The following GLYATL1 variants were observed in gnomAD, a reference collection of about 807,000 sequenced individuals.
GLYATL1 encodes the protein glycine N-acyltransferase-like protein 1.
Under a neutral mutation model 20.0 loss-of-function variants are expected in GLYATL1, and 15 were observed. The ratio of observed to expected loss-of-function variants is 0.75; its 90% CI spans 0.50 to 1.15. The LOEUF (loss-of-function observed/expected upper bound fraction) is 1.15. GLYATL1 is among the 50% of genes most tolerant of loss of function. The pLI is 0.00. For synonymous variants in GLYATL1, 151 were observed against 131.5 expected, an observed-to-expected ratio of 1.15 and a Z score of -1.01; for missense variants, 380 against 368.5, an observed-to-expected ratio of 1.03 and a Z score of -0.26.
rs1386182653 is a variant in GLYATL1, at chr11:58,907,141, T to C, written n.239-100T>C. The C allele has an allele frequency of 1.1e-5, 4 of 369,846 alleles. No homozygotes were observed. In the Admixed American group the frequency reaches 1.3e-4, roughly 12 times the overall value. The allele number at this position is 369,846 out of a possible 1,614,324, so 22.9% of individuals were successfully genotyped here. On this transcript the variant is annotated intron_variant and non_coding_transcript_variant, in intron 1 of 1. Transcript: ENST00000524629. Reference sequence around the variant, plus strand: ...GTGGTTCTTTCCTGGCCTTGGAAAGTTTTCTCAGCCGGGGCTCTGATCAGT... The same window carrying C: ...GTGGTTCTTTCCTGGCCTTGGAAAGCTTTCTCAGCCGGGGCTCTGATCAGT...
At chr11:58,933,196 G>A (rs1288208034) in intron 1 of GLYATL1, among the ~76,000 whole-genome samples, 2 of 152,192 alleles carry the variant, frequency 1.3e-5, no homozygotes, top group Admixed American at 1.3e-4. Context: ...ATATCCAAGA[G>A]TAGATGTCAA....
rs764585487 is a variant in GLYATL1, at chr11:58,947,176, A to G, written c.78+11A>G. ...CCTGAGTCCCTGAAGGTCAGGGAAC[A>G]GTGGGAGGTCAGGGTATGGGAGTAG... On this transcript the variant is annotated intron_variant, in intron 3 of 6. Transcript: ENST00000532726. 1.9e-6 allele frequency: 3 copies of G among 1,613,482 alleles called. No homozygotes were observed. The South Asian group carries it at 3.3e-5, about 18-fold the overall frequency.
At position 58,954,803 on chromosome 11, in the gene GLYATL1, G is replaced by A. The variant is rs753670771; in HGVS notation, c.220G>A (p.Val74Ile). 49 of 1,610,666 alleles carry A rather than the reference G, an allele frequency of 3.0e-5. No individual in the cohort carries two copies. Among genetic ancestry groups the A allele is most frequent in the South Asian group, 2.1e-4 (19 of 90,320 alleles). ...TGATGACATGGATTCATACACAAAC[G>A]TATATCGTATGTTCTCCAAAGAGCC... ...MTDDMDSYTNVYRMFSKEPQK... is the reference protein window; with the variant it reads ...MTDDMDSYTNIYRMFSKEPQK... Residue 74 changes from valine to isoleucine, a missense_variant, in exon 5 of 7, where the codon GTA (valine) becomes ATA (isoleucine). Transcript: ENST00000532726.
intron 1 of GLYATL1, chr11:58,927,890 G>A (rs1471936379): frequency 6.6e-6 from 1 of 152,236 alleles, no homozygotes; most frequent in Non-Finnish European, 1.5e-5. Flanking sequence ...GGGAAGACGA[G>A]GTGATAAGGC....
upstream of GLYATL1, among the ~76,000 whole-genome samples, chr11:58,923,481 G>T (rs941182734): frequency 6.6e-6 from 1 of 152,208 alleles, no homozygotes; most frequent in Non-Finnish European, 1.5e-5. Flanking sequence ...CCAAACAGAG[G>T]TACTTTCCCT....
chr11:58,941,773 G>A (rs1180636459), intron 1 of GLYATL1, among the ~76,000 whole-genome samples: 3 of 152,174 alleles, frequency 2.0e-5, no homozygotes, highest in Admixed American at 6.5e-5. Flanking sequence ...CAGATGTCAG[G>A]GAGGTGACTG....
intron 2 of GLYATL1, among the ~76,000 whole-genome samples, chr11:58,946,363 A>G (rs1015457917): frequency 6.6e-6 from 1 of 152,244 alleles, no homozygotes; most frequent in Non-Finnish European, 1.5e-5. Flanking sequence ...ACAAAGAAGT[A>G]TGAGATGGAA....
At chr11:58,918,033 A>C (rs1394598427) in intron 1 of GLYATL1, among the ~76,000 whole-genome samples, 1 of 152,216 alleles carries the variant, frequency 6.6e-6, no homozygotes, top group Non-Finnish European at 1.5e-5. Context: ...ATTTAATAGA[A>C]AGCTTCACTA....
At chr11:58,937,430 T>A (rs941760765), upstream of GLYATL1, among the ~76,000 whole-genome samples, 1 of 152,192 alleles carries the variant, frequency 6.6e-6, no homozygotes, top group African/African-American at 2.4e-5. Flanking sequence ...GAAAGACTTC[T>A]GGAGAGAAAA....
At chr11:58,942,239 T>C (rs1044002615) in intron 1 of GLYATL1, among the ~76,000 whole-genome samples, 4 of 152,232 alleles carry the variant, frequency 2.6e-5, no homozygotes, top group African/African-American at 9.6e-5. Flanking sequence ...AGCAAACCTG[T>C]CTGAACTTTG....
chr11:58,921,006 C>T (rs1855296389), intron 1 of GLYATL1, among the ~76,000 whole-genome samples: 1 of 152,140 alleles, frequency 6.6e-6, no homozygotes, highest in Admixed American at 6.5e-5. Context: ...AAAAGAAAGG[C>T]TTAGTTAGGT....
rs1341452167 is a variant in GLYATL1 at position 58,955,687 on chromosome 11, A to G, written c.569A>G (p.Lys190Arg). The change falls in exon 7 of 7, where the codon AAG becomes AGG. Residue 190 changes from lysine (K) to arginine (R), a missense_variant. By Grantham distance (26) the Lys-to-Arg change is conservative. Transcript: ENST00000532726. ...GTAAATGACAACTGGAAGCGAGGGA[A>G]GAATGAGAGGAGCCTGCATTACATC... ...GLVNDNWKRG[K>R]NERSLHYIKR... 5.0e-6 allele frequency: 8 copies of G among 1,614,100 alleles called. No individual in the cohort carries two copies. The highest frequency in any genetic ancestry group is 6.8e-6 in the Non-Finnish European group (8 of 1,180,038).
chr11:58,906,294 A>C (rs1040180450), intron 1 of GLYATL1, among the ~76,000 whole-genome samples: 3 of 152,170 alleles, frequency 2.0e-5, no homozygotes, highest in Admixed American at 6.5e-5. Flanking sequence ...TCCTGAAAAG[A>C]TACATGGAGA....
At chr11:58,945,879 C>G (rs553126050) in intron 2 of GLYATL1, among the ~76,000 whole-genome samples, 4 of 152,264 alleles carry the variant, frequency 2.6e-5, no homozygotes, top group African/African-American at 9.6e-5. Flanking sequence ...TTTGTTTAAA[C>G]ATTGCTTCAT....
chr11:58,949,989 G>A (rs1856852726), intron 4 of GLYATL1, among the ~76,000 whole-genome samples: 1 of 151,018 alleles, frequency 6.6e-6, no homozygotes, highest in Admixed American at 6.6e-5. Context: ...CCCCTTGGTT[G>A]TAATCAGTGT....
chr11:58,953,824 A>G (rs898533225), intron 4 of GLYATL1, among the ~76,000 whole-genome samples: 5 of 152,304 alleles, frequency 3.3e-5, no homozygotes, highest in Non-Finnish European at 5.9e-5. Context: ...TAGCAATACA[A>G]TTTCCAACAT....
chr11:58,941,967 G>A (rs1449977626), intron 1 of GLYATL1, among the ~76,000 whole-genome samples: 1 of 152,220 alleles, frequency 6.6e-6, no homozygotes, highest in Non-Finnish European at 1.5e-5. Flanking sequence ...GCTAAGAACT[G>A]TGAAGCATAT....
At chr11:58,927,731 A>G (rs770271626) in exon 1 of GLYATL1, 1 of 152,184 alleles carries the variant, frequency 6.6e-6, no homozygotes, top group African/African-American at 2.4e-5. Context: ...GTTACTGGGC[A>G]GGCTAAGAGA....
chr11:58,919,146 C>G (rs1267914144), intron 1 of GLYATL1, among the ~76,000 whole-genome samples: 3 of 152,232 alleles, frequency 2.0e-5, no homozygotes, highest in African/African-American at 7.2e-5. Flanking sequence ...CTTTCCTGCA[C>G]CCAGCCATGT....
Sources: allele counts gnomAD v4.1 joint callset (sites outside exome capture counted in the v4.1 genomes callset), GRCh38; gene constraint gnomAD v4.1.1; transcripts MANE v1.5; gene names NCBI Gene and HGNC (gene_info 2026-07-23, HGNC 2026-07-21).